KCNIP4: variants seen among roughly 807,000 people sequenced by gnomAD.
The protein encoded by KCNIP4 is potassium voltage-gated channel interacting protein 4, also known as Kv channel-interacting protein 4.
In KCNIP4, 12 loss-of-function variants were observed where a neutral mutation model predicts 34.0. The observed-to-expected ratio is 0.35, with a 90% CI of 0.23 to 0.57. The LOEUF (loss-of-function observed/expected upper bound fraction) is 0.57. Ranked by LOEUF, KCNIP4 falls within the 20% of genes least tolerant of loss-of-function variation. The pLI is 0.83. For missense variants in KCNIP4, 238 were observed against 311.7 expected, an observed-to-expected ratio of 0.76 and a Z score of 1.78; for synonymous variants, 124 against 102.2, an observed-to-expected ratio of 1.21 and a Z score of -1.29.
intron 1 of KCNIP4, among the ~76,000 whole-genome samples, chr4:21,935,252 A>G (rs1249041910): frequency 1.3e-5 from 2 of 152,220 alleles, no homozygotes; most frequent in Non-Finnish European, 2.9e-5. Context: ...TGACTTCTCA[A>G]TGACCTTTCC....
chr4:21,340,550 T>C (rs1182464700), intron 1 of KCNIP4, among the ~76,000 whole-genome samples: 3 of 152,142 alleles, frequency 2.0e-5, no homozygotes, highest in Non-Finnish European at 4.4e-5. Flanking sequence ...GGCTGTGGTA[T>C]AACTGCCACT....
At chr4:20,942,697 G>A (rs1420587990) in intron 1 of KCNIP4, among the ~76,000 whole-genome samples, 2 of 151,974 alleles carry the variant, frequency 1.3e-5, no homozygotes, top group African/African-American at 4.8e-5. Context: ...TTGAGACAGA[G>A]TTTTGCTCTT....
At chr4:21,932,044 C>A (rs1729599077) in intron 1 of KCNIP4, among the ~76,000 whole-genome samples, 1 of 152,020 alleles carries the variant, frequency 6.6e-6, no homozygotes, top group African/African-American at 2.4e-5. Context: ...GACATCAGAC[C>A]CACACTGCAT....
intron 1 of KCNIP4, among the ~76,000 whole-genome samples, chr4:20,974,459 T>C (rs560595496): frequency 6.6e-6 from 1 of 152,112 alleles, no homozygotes; most frequent in Non-Finnish European, 1.5e-5. Context: ...GGCACTTGTA[T>C]AGGAGAAGGA....
intron 1 of KCNIP4, among the ~76,000 whole-genome samples, chr4:21,601,786 T>C (rs1743184295): frequency 6.6e-6 from 1 of 152,138 alleles, no homozygotes; most frequent in Admixed American, 6.6e-5. Flanking sequence ...TTAGGAACTT[T>C]GCTCTCAGAA....
At chr4:21,352,021 C>A (rs1718052058) in intron 1 of KCNIP4, among the ~76,000 whole-genome samples, 1 of 152,046 alleles carries the variant, frequency 6.6e-6, no homozygotes, top group African/African-American at 2.4e-5. Flanking sequence ...TGTCCTGAGG[C>A]CATTTGGTTG....
At chr4:21,528,087 C>A (rs994947306) in intron 1 of KCNIP4, among the ~76,000 whole-genome samples, 1 of 152,102 alleles carries the variant, frequency 6.6e-6, no homozygotes, top group Admixed American at 6.6e-5. Context: ...ATTTTATAAA[C>A]GATTAATGAA....
intron 1 of KCNIP4, among the ~76,000 whole-genome samples, chr4:21,456,660 G>A (rs1399522307): frequency 2.2e-5 from 3 of 134,568 alleles, no homozygotes; most frequent in Non-Finnish European, 4.6e-5. Context: ...AAGAAAAATT[G>A]GTTTGCCCAG....
intron 1 of KCNIP4, among the ~76,000 whole-genome samples, chr4:21,041,186 CAT>C (rs1287140410): frequency 2.0e-5 from 3 of 151,360 alleles, no homozygotes; most frequent in African/African-American, 4.9e-5. Flanking sequence ...GAGCATGTGA[CAT>C]GTGGTAGAGA....
At chr4:21,237,649 C>T (rs909286510) in intron 1 of KCNIP4, among the ~76,000 whole-genome samples, 4 of 152,154 alleles carry the variant, frequency 2.6e-5, no homozygotes, top group Middle Eastern at 3.4e-3. Context: ...ATAAATTCCT[C>T]GACACATACA....
chr4:21,246,984 TC>T (rs1195270765), intron 1 of KCNIP4, among the ~76,000 whole-genome samples: 3 of 152,196 alleles, frequency 2.0e-5, no homozygotes, highest in Non-Finnish European at 2.9e-5. Context: ...ATTAATTAGT[TC>T]TTGCAAGGAT....
chr4:21,216,162 C>T (rs1236235650), intron 1 of KCNIP4, among the ~76,000 whole-genome samples: 1 of 152,130 alleles, frequency 6.6e-6, no homozygotes, highest in Non-Finnish European at 1.5e-5. Context: ...CGGGTTTTTA[C>T]AAGGATCAGG....
intron 1 of KCNIP4, among the ~76,000 whole-genome samples, chr4:21,437,427 A>C (rs1727040566): frequency 6.6e-6 from 1 of 152,206 alleles, no homozygotes; most frequent in African/African-American, 2.4e-5. Flanking sequence ...AAAAAGCAAG[A>C]CTAATGGAGC....
intron 1 of KCNIP4, among the ~76,000 whole-genome samples, chr4:21,580,565 T>G (rs889645457): frequency 6.6e-6 from 1 of 152,142 alleles, no homozygotes; most frequent in African/African-American, 2.4e-5. Flanking sequence ...AAGGGTGGCA[T>G]GGAGAAAACA....
intron 3 of KCNIP4, among the ~76,000 whole-genome samples, chr4:20,846,332 A>T (rs79524989): frequency 0.017 from 2,656 of 152,300 alleles, 74 homozygotes; most frequent in African/African-American, 0.057. Context: ...TGACAGAAAA[A>T]GCCAAAGCAG....
chr4:21,769,933 A>C (rs28700070), intron 1 of KCNIP4, among the ~76,000 whole-genome samples: 22,567 of 152,124 alleles, frequency 0.15, 5,631 homozygotes, highest in African/African-American at 0.51. Context: ...TGAGAATGGG[A>C]CCTAGGAGGA....
intron 1 of KCNIP4, among the ~76,000 whole-genome samples, chr4:21,549,332 A>G (rs1410034544): frequency 1.3e-5 from 2 of 151,902 alleles, no homozygotes; most frequent in African/African-American, 4.8e-5. Flanking sequence ...CCCATGGTGA[A>G]TGTGGGGCCT....
chr4:21,185,257 A>C (rs1336544378), intron 1 of KCNIP4, among the ~76,000 whole-genome samples: 1 of 151,600 alleles, frequency 6.6e-6, no homozygotes, highest in Non-Finnish European at 1.5e-5. Flanking sequence ...AAAAATCCTA[A>C]GTCATGACAA....
intron 1 of KCNIP4, among the ~76,000 whole-genome samples, chr4:21,833,679 T>C (rs1223795546): frequency 1.3e-5 from 2 of 151,994 alleles, no homozygotes; most frequent in Non-Finnish European, 2.9e-5. Context: ...GCCTATGTCC[T>C]GAATGGTAAT....
Sources: gnomAD v4.1 joint callset for allele counts (sites outside exome capture counted in the v4.1 genomes callset) on GRCh38, gnomAD v4.1.1 for gene constraint, MANE v1.5 for transcripts, NCBI Gene and HGNC (gene_info 2026-07-23, HGNC 2026-07-21) for gene names.